The following DARS2 variants were observed in gnomAD, a reference collection of about 807,000 sequenced individuals.
DARS2 encodes aspartate--tRNA ligase, mitochondrial.
DARS2 carries 63 observed loss-of-function variants against 83.0 expected under a neutral mutation model. That is an observed-to-expected ratio of 0.76 (90% CI 0.62 to 0.94). The LOEUF (loss-of-function observed/expected upper bound fraction) is 0.94, where lower values mean the gene tolerates loss of function less well. Ranked by LOEUF, DARS2 falls within the 40% of genes least tolerant of loss-of-function variation. DARS2 has a pLI of 0.00. For missense variants in DARS2, 675 were observed against 774.4 expected (o/e 0.87, Z 1.52); for synonymous variants, 250 against 269.3 (o/e 0.93, Z 0.70).
chr1:173,850,554 C>T (rs1260967865), intron 13 of DARS2, 75 bp downstream of exon 13: 36 of 1,426,726 alleles, frequency 2.5e-5, no homozygotes, highest in Non-Finnish European at 3.5e-5. Flanking sequence ...ATATAGTATA[C>T]GTTTGAACTG....
intron 8 of DARS2, 125 bp from the exon 9 acceptor site, chr1:173,838,065 G>T (rs557416197): frequency 1.3e-6 from 1 of 787,978 alleles, no homozygotes; most frequent in South Asian, 1.5e-5. Flanking sequence ...GAGCCGCCAT[G>T]CCCGGCCCTT....
At chr1:173,831,215 C>CT (rs375672090) in intron 4 of DARS2, among the ~76,000 whole-genome samples, 20,889 of 139,046 alleles carry the variant, frequency 0.15, 5,039 homozygotes, top group African/African-American at 0.51. Flanking sequence ...GTGCCTGGCC[C>CT]TTTTTTTTTT....
rs10653648 is a variant in DARS2 at position 173,829,204 on chromosome 1, A to AGTGTGTGT, written c.294+824_294+831dup. Among the ~76,000 whole-genome samples the AGTGTGTGT allele has an allele frequency of 3.4e-3, 503 of 148,440 alleles. 5 individuals carry two copies. Among genetic ancestry groups the AGTGTGTGT allele is most frequent in the African/African-American group, 0.011 (466 of 40,638 alleles). ...GGGGAAGGATGCAGAATATACATTC[A>AGTGTGTGT]GTGTGTGTGTGTGTGTGTGTGTGTG... On this transcript the variant is annotated intron_variant, in intron 3 of 16. Coordinates refer to ENST00000649689, the MANE Select transcript of DARS2 (RefSeq NM_018122.5).
intron 2 of DARS2, 21 bp from the exon 3 acceptor site, chr1:173,828,312 T>TGGGGGGGGGGGGGGG: frequency 1.3e-6 from 2 of 1,551,354 alleles, no homozygotes; most frequent in Non-Finnish European, 1.8e-6. Flanking sequence ...AATGTTTCTT[T>TGGGGGGGGGGGGGGG]TCCCCCCCCC....
chr1:173,855,126 C>CA (rs1189507356), intron 15 of DARS2, among the ~76,000 whole-genome samples: 2 of 147,412 alleles, frequency 1.4e-5, no homozygotes, highest in East Asian at 4.0e-4. Flanking sequence ...TTTTTTGAGA[C>CA]AGAGTCTTGC....
chr1:173,831,995 C>CT (rs1434384972), intron 5 of DARS2, among the ~76,000 whole-genome samples: 1 of 152,178 alleles, frequency 6.6e-6, no homozygotes, highest in Non-Finnish European at 1.5e-5. Context: ...GATCCTGTAT[C>CT]TATTAAGTGA....
At chr1:173,833,841 C>G (rs1652882513) in intron 6 of DARS2, among the ~76,000 whole-genome samples, 1 of 151,720 alleles carries the variant, frequency 6.6e-6, no homozygotes, top group African/African-American at 2.4e-5. Context: ...CTCACTGCAG[C>G]CTCAACCTTT....
chr1:173,827,680 G>C (rs1652637147), intron 2 of DARS2, among the ~76,000 whole-genome samples: 2 of 152,060 alleles, frequency 1.3e-5, no homozygotes, highest in South Asian at 4.1e-4. Context: ...TTTCCCATAA[G>C]TTTAGTGACT....
intron 10 of DARS2, among the ~76,000 whole-genome samples, chr1:173,839,878 G>A (rs1653143810): frequency 6.6e-6 from 1 of 151,788 alleles, no homozygotes; most frequent in African/African-American, 2.4e-5. Context: ...TTAATCCAAG[G>A]AGTTACTAAG....
Position 173,840,951 on chromosome 1 carries a change from C to A in DARS2, c.1106C>A (p.Ala369Asp). 6.2e-7 allele frequency: 1 copy of A among 1,605,240 alleles called. No individual in the cohort carries two copies. Residue 369 changes from alanine to aspartate, a missense_variant, in exon 11 of 17, where the codon GCC becomes GAC. Physicochemically the swap from Ala to Asp is moderately radical, Grantham distance 126. Transcript: ENST00000649689. ...AGTAAGCCCCATGGAACTGTGAAAGCCATATGTATCCCTGAAGGAGCAGTA... is the reference window on the plus strand; with the variant it reads ...AGTAAGCCCCATGGAACTGTGAAAGACATATGTATCCCTGAAGGAGCAGTA... ...ALSKPHGTVK[A>D]ICIPEGAKYL...
chr1:173,851,464 G>A (rs1247744038), intron 13 of DARS2, among the ~76,000 whole-genome samples: 2 of 152,082 alleles, frequency 1.3e-5, no homozygotes, highest in Non-Finnish European at 2.9e-5. Context: ...CGTAAATTGT[G>A]GAGGGACGGA....
intron 12 of DARS2, among the ~76,000 whole-genome samples, chr1:173,848,180 G>A (rs930143302): frequency 6.6e-6 from 1 of 152,078 alleles, no homozygotes; most frequent in Admixed American, 6.6e-5. Context: ...CTGAGTTGAA[G>A]CCACCCATCC....
intron 13 of DARS2, among the ~76,000 whole-genome samples, chr1:173,851,196 C>T (rs1240504269): frequency 6.7e-6 from 1 of 149,454 alleles, no homozygotes; most frequent in East Asian, 2.0e-4. Context: ...TTGCAGTGAG[C>T]CGAGATTGTG....
At chr1:173,845,333 C>A in intron 12 of DARS2, 42 bp downstream of exon 12, 1 of 1,363,216 alleles carries the variant, frequency 7.3e-7, no homozygotes, top group Non-Finnish European at 1.0e-6. Flanking sequence ...TATACAGATT[C>A]AATATTTTTA....
intron 13 of DARS2, among the ~76,000 whole-genome samples, chr1:173,850,852 G>A (rs537990926): frequency 2.6e-5 from 4 of 151,936 alleles, no homozygotes; most frequent in South Asian, 2.1e-4. Context: ...CAGTCCACCC[G>A]CCGCAGCCTC....
At position 173,825,251 on chromosome 1, in the gene DARS2, A is replaced by G. The variant is rs376211282; in HGVS notation, c.22A>G (p.Ser8Gly). The G allele has an allele frequency of 1.9e-6, 3 of 1,612,976 alleles. No individual in the cohort carries two copies. Among genetic ancestry groups the G allele is most frequent in the African/African-American group, 2.7e-5 (2 of 74,820 alleles). ...CAACATGTACTTCCCTTCTTGGTTA[A>G]GTCAGCTGTACAGGGGTTTATCCAG... is the stretch of plus-strand genomic sequence containing the variant. MYFPSWL[S>G]QLYRGLSRPI... Residue 8 changes from serine (S) to glycine (G), a missense_variant, in exon 1 of 17, where the codon AGT becomes GGT. Physicochemically the swap from Ser to Gly is moderately conservative, Grantham distance 56 (BLOSUM62 0). Transcript: ENST00000649689.
At chr1:173,839,083 G>T (rs187296149) in intron 9 of DARS2, among the ~76,000 whole-genome samples, 11 of 152,312 alleles carry the variant, frequency 7.2e-5, no homozygotes, top group Admixed American at 5.2e-4. Flanking sequence ...GAGCTTTGGA[G>T]TTGGACAGAC....
rs1343887859 is a variant in DARS2, at chr1:173,850,370, C to A, written c.1235C>A (p.Ser412Tyr). Residue 412 changes from serine to tyrosine, a missense_variant, in exon 13 of 17, where the codon TCT becomes TAT. Coordinates refer to ENST00000649689, the MANE Select transcript of DARS2 (RefSeq NM_018122.5). ...CTTAACGCCAATAGAAACTGGAATT[C>A]TCCAGTTGCTAATTTCATAATGGAG... Reference protein sequence around the residue: ...VFLNANRNWNSPVANFIMESQ... With the variant: ...VFLNANRNWNYPVANFIMESQ... 3 of 1,611,370 alleles carry A rather than the reference C, an allele frequency of 1.9e-6. No homozygotes were observed. In the South Asian group the frequency reaches 3.3e-5, roughly 18 times the overall value.
intron 2 of DARS2, 57 bp from the exon 3 acceptor site, chr1:173,828,276 C>A: frequency 6.4e-7 from 1 of 1,562,310 alleles, no homozygotes; most frequent in Non-Finnish European, 8.8e-7. Context: ...TATGCTTCAA[C>A]TTTGGACTTA....
Sources: allele counts gnomAD v4.1 joint callset (sites outside exome capture counted in the v4.1 genomes callset), GRCh38; gene constraint gnomAD v4.1.1; transcripts MANE v1.5; gene names NCBI Gene and HGNC (gene_info 2026-07-23, HGNC 2026-07-21).